The following CAMKMT variants were observed in gnomAD, a reference collection of about 807,000 sequenced individuals.
CAMKMT encodes CaM KMT.
In CAMKMT, 53 loss-of-function variants were observed where a neutral mutation model predicts 48.0. That is an observed-to-expected ratio of 1.10 (90% confidence interval 0.89 to 1.39). CAMKMT has a LOEUF of 1.39. Ranked by LOEUF, CAMKMT falls within the 40% of genes most tolerant of loss-of-function variation. CAMKMT has a pLI of 0.00. For synonymous variants in CAMKMT, 165 were observed against 152.3 expected, an observed-to-expected ratio of 1.08 and a Z score of -0.61; for missense variants, 428 against 402.7, an observed-to-expected ratio of 1.06 and a Z score of -0.54.
At chr2:44,439,586 C>T (rs1666508706) in intron 3 of CAMKMT, among the ~76,000 whole-genome samples, 1 of 152,034 alleles carries the variant, frequency 6.6e-6, no homozygotes, top group African/African-American at 2.4e-5. Context: ...CACCTGTAAT[C>T]CCAGCACTTT....
intron 3 of CAMKMT, among the ~76,000 whole-genome samples, chr2:44,563,936 A>T (rs1028193034): frequency 2.0e-5 from 3 of 152,176 alleles, no homozygotes; most frequent in African/African-American, 7.2e-5. Context: ...CAATGAACAT[A>T]CATGTGCATA....
intron 2 of CAMKMT, among the ~76,000 whole-genome samples, chr2:44,382,560 G>C (rs187678608): frequency 1.3e-5 from 2 of 151,022 alleles, no homozygotes; most frequent in African/African-American, 4.9e-5. Context: ...CTCACTGCAA[G>C]CTCCGCCTCC....
chr2:44,446,966 A>C (rs1183284675), intron 3 of CAMKMT, among the ~76,000 whole-genome samples: 1 of 152,226 alleles, frequency 6.6e-6, no homozygotes, highest in Admixed American at 6.5e-5. Flanking sequence ...AAGGTAGTCT[A>C]TACTTGATTA....
At chr2:44,702,983 A>C (rs1471229812) in intron 3 of CAMKMT, among the ~76,000 whole-genome samples, 2 of 152,212 alleles carry the variant, frequency 1.3e-5, no homozygotes, top group Non-Finnish European at 2.9e-5. Context: ...ACCTTGCATT[A>C]AGACCATCAG....
chr2:44,459,841 C>G (rs764826368), intron 3 of CAMKMT, among the ~76,000 whole-genome samples: 6 of 152,142 alleles, frequency 3.9e-5, no homozygotes, highest in Non-Finnish European at 8.8e-5. Flanking sequence ...GACAGCCATA[C>G]AAATGACTTG....
intron 3 of CAMKMT, among the ~76,000 whole-genome samples, chr2:44,665,512 A>G (rs1173141695): frequency 6.6e-6 from 1 of 152,170 alleles, no homozygotes; most frequent in Non-Finnish European, 1.5e-5. Flanking sequence ...TTTGATTTTA[A>G]TTTAGGAAAT....
intron 3 of CAMKMT, among the ~76,000 whole-genome samples, chr2:44,496,665 G>A (rs541667270): frequency 1.1e-4 from 17 of 152,294 alleles, no homozygotes; most frequent in East Asian, 7.7e-4. Flanking sequence ...GGTCTTCTAC[G>A]TTCCTAAGGG....
rs1680850619 is a variant in CAMKMT at position 44,766,555 on chromosome 2, C to T, written c.888C>T (p.His296=). Residue 296 remains histidine (H), a synonymous_variant, in exon 10 of 11, where the codon CAC becomes CAT. Coordinates refer to ENST00000378494, the MANE Select transcript of CAMKMT (RefSeq NM_024766.5). ...ENYDEHISNF[H]SKLKKENPDI... Reference sequence around the variant, plus strand: ...ATGATGAACACATTTCAAACTTCCACTCCAAGGTTAGTTTTCTGCTTGTGT... The same window carrying T: ...ATGATGAACACATTTCAAACTTCCATTCCAAGGTTAGTTTTCTGCTTGTGT... 1 of 1,613,778 alleles carries T rather than the reference C, an allele frequency of 6.2e-7. No individual in the cohort carries two copies. The highest frequency in any genetic ancestry group is 1.3e-5 in the African/African-American group (1 of 74,936).
chr2:44,645,366 C>A (rs1031573810), intron 3 of CAMKMT, among the ~76,000 whole-genome samples: 1 of 152,088 alleles, frequency 6.6e-6, no homozygotes, highest in East Asian at 1.9e-4. Context: ...CAAACCACAG[C>A]GGAGAGGCTA....
intron 3 of CAMKMT, among the ~76,000 whole-genome samples, chr2:44,540,551 G>C (rs759146442): frequency 2.0e-5 from 3 of 152,176 alleles, no homozygotes; most frequent in Non-Finnish European, 4.4e-5. Flanking sequence ...AGGCGTTCAA[G>C]ACCAGCCTGG....
At chr2:44,486,640 T>G (rs76247936) in intron 3 of CAMKMT, among the ~76,000 whole-genome samples, 5,244 of 152,348 alleles carry the variant, frequency 0.034, 92 homozygotes, top group African/African-American at 0.04. Flanking sequence ...CTGAATGTTG[T>G]TAAAGGAACT....
At chr2:44,539,531 A>G (rs1006752127) in intron 3 of CAMKMT, among the ~76,000 whole-genome samples, 3 of 152,152 alleles carry the variant, frequency 2.0e-5, no homozygotes, top group Non-Finnish European at 4.4e-5. Flanking sequence ...TCCTTAAACC[A>G]TATTCAGATT....
intron 3 of CAMKMT, among the ~76,000 whole-genome samples, chr2:44,673,449 GAGAAAGAGAAAGAAAGAGAGAGAGGA>G (rs1387112973): frequency 5.1e-4 from 72 of 142,242 alleles, no homozygotes; most frequent in Middle Eastern, 7.0e-3. Context: ...AAAAGAGAGA[GAGAAAGAGAAAGAAAGAGAGAGAGGA>G]AGGAAGGAAG....
At chr2:44,372,988 C>A in intron 2 of CAMKMT, 100 bp downstream of exon 2, 1 of 1,123,120 alleles carries the variant, frequency 8.9e-7, no homozygotes, top group Non-Finnish European at 1.3e-6. Flanking sequence ...ATTGAGTTTA[C>A]GGGCAATCTT....
At chr2:44,439,487 G>A (rs1067353) in intron 3 of CAMKMT, among the ~76,000 whole-genome samples, 93,017 of 151,716 alleles carry the variant, frequency 0.61, 29,062 homozygotes, top group Admixed American at 0.68. Context: ...AAACTTTTTG[G>A]TAGAGTTAGT....
intron 3 of CAMKMT, chr2:44,549,820 T>A (rs1340810139): frequency 2.5e-6 from 1 of 406,140 alleles, no homozygotes; most frequent in African/African-American, 2.1e-5. Context: ...CTTCTTCAAC[T>A]GTGGCCATAC....
chr2:44,513,673 C>A (rs1670682564), intron 3 of CAMKMT, among the ~76,000 whole-genome samples: 1 of 152,158 alleles, frequency 6.6e-6, no homozygotes, highest in Admixed American at 6.5e-5. Context: ...TCTTTCCCTT[C>A]TTGGGTAGGA....
intron 3 of CAMKMT, among the ~76,000 whole-genome samples, chr2:44,488,215 T>G (rs1451699743): frequency 6.6e-6 from 1 of 152,016 alleles, no homozygotes; most frequent in Admixed American, 6.6e-5. Context: ...TTTGAGTGTG[T>G]TGGCCGGGCG....
intron 3 of CAMKMT, among the ~76,000 whole-genome samples, chr2:44,589,883 T>TAAAAAAAAAAAAAAAAAAAAA (rs1218817837): frequency 4.3e-5 from 1 of 23,252 alleles, no homozygotes; most frequent in Non-Finnish European, 8.8e-5. Flanking sequence ...GAATGATCAA[T>TAAAAAAAAAAAAAAAAAAAAA]AAAAAAAAAA....
Sources: gnomAD v4.1 joint callset for allele counts (sites outside exome capture counted in the v4.1 genomes callset) on GRCh38, gnomAD v4.1.1 for gene constraint, MANE v1.5 for transcripts, NCBI Gene and HGNC (gene_info 2026-07-23, HGNC 2026-07-21) for gene names.